Variants in TENM3 observed in about 807,000 individuals in gnomAD.
TENM3 encodes teneurin-3.
In TENM3, 63 loss-of-function variants were observed where a neutral mutation model predicts 255.1. The ratio of observed to expected loss-of-function variants is 0.25; its 90% CI spans 0.20 to 0.30. The LOEUF is 0.30. Among genes scored for constraint, TENM3 ranks in the 10% least tolerant of loss-of-function variants. The probability of loss-of-function intolerance (pLI) is 1.00; values close to 1 mark genes in which losing one functional copy is unlikely to be tolerated. For missense variants in TENM3, 2,929 were observed against 3,461.1 expected, an observed-to-expected ratio of 0.85 and a Z score of 3.86; for synonymous variants, 1,306 against 1,322.3, an observed-to-expected ratio of 0.99 and a Z score of 0.27.
At chr4:182,625,173 C>G (rs571033594) in intron 4 of TENM3, among the ~76,000 whole-genome samples, 2 of 152,188 alleles carry the variant, frequency 1.3e-5, no homozygotes, top group African/African-American at 4.8e-5. Context: ...TCGGTGATAC[C>G]AGGAGGGGTC....
the TENM3 span, among the ~76,000 whole-genome samples, chr4:181,452,713 C>A: frequency 6.6e-6 from 1 of 152,106 alleles, no homozygotes; most frequent in African/African-American, 2.4e-5. Flanking sequence ...TTTAAAATTC[C>A]TGAGGAAATG....
chr4:182,729,817 G>T (rs1279852023), intron 14 of TENM3, among the ~76,000 whole-genome samples: 1 of 152,084 alleles, frequency 6.6e-6, no homozygotes, highest in African/African-American at 2.4e-5. Context: ...ATACTTCTTG[G>T]TCCCTGAAGA....
chr4:181,884,809 G>A, the TENM3 span, among the ~76,000 whole-genome samples: 1 of 151,848 alleles, frequency 6.6e-6, no homozygotes, highest in Non-Finnish European at 1.5e-5. Flanking sequence ...TCAAATCATT[G>A]TCTCAGTTAC....
the TENM3 span, among the ~76,000 whole-genome samples, chr4:181,911,897 G>A: frequency 9.9e-5 from 15 of 152,230 alleles, no homozygotes; most frequent in African/African-American, 3.1e-4. Flanking sequence ...AAATATCAGT[G>A]GCTTAGAAAT....
intron 1 of TENM3, among the ~76,000 whole-genome samples, chr4:182,261,325 A>G (rs943047130): frequency 5.3e-5 from 8 of 152,286 alleles, no homozygotes; most frequent in African/African-American, 1.7e-4. Flanking sequence ...AAAACCTTCC[A>G]GAGCTCCAGC....
the TENM3 span, among the ~76,000 whole-genome samples, chr4:182,008,586 A>G: frequency 2.0e-5 from 3 of 151,482 alleles, no homozygotes; most frequent in African/African-American, 2.4e-5. Context: ...AGCTCCATCA[A>G]GTTGTTTATG....
rs558897353 is a variant in TENM3, at chr4:182,784,010, C to T, written c.5305-5083C>T. On this transcript the variant is annotated intron_variant, in intron 24 of 27. Transcript: ENST00000511685. Reference sequence around the variant, plus strand: ...TTTGCCTTTGGTTTGAATGTCCTCCCGTAGCTCAGAGTAATTTGATCGTCT... The same window carrying T: ...TTTGCCTTTGGTTTGAATGTCCTCCTGTAGCTCAGAGTAATTTGATCGTCT... 8.4e-4 allele frequency among the ~76,000 whole-genome samples: 128 copies of T among 152,300 alleles called. No homozygotes were observed. In the South Asian group the frequency reaches 0.022, roughly 26 times the overall value.
chr4:181,616,817 G>T, the TENM3 span, among the ~76,000 whole-genome samples: 1 of 152,232 alleles, frequency 6.6e-6, no homozygotes, highest in Admixed American at 6.5e-5. Context: ...TTTGTTCTAC[G>T]TGTGTGCTCA....
chr4:181,465,774 C>A, the TENM3 span, among the ~76,000 whole-genome samples: 1 of 152,064 alleles, frequency 6.6e-6, no homozygotes, highest in African/African-American at 2.4e-5. Flanking sequence ...ACTTTAGTAG[C>A]GCTTACAGTG....
the TENM3 span, among the ~76,000 whole-genome samples, chr4:181,859,656 G>A: frequency 6.6e-6 from 1 of 152,156 alleles, no homozygotes; most frequent in African/African-American, 2.4e-5. Context: ...CTACTCAGTG[G>A]TACCAATGTA....
At chr4:182,152,725 G>A (rs1750427671) in intron 1 of TENM3, among the ~76,000 whole-genome samples, 1 of 146,546 alleles carries the variant, frequency 6.8e-6, no homozygotes. Context: ...TAAAGATAAA[G>A]TACTTTAAAA....
chr4:182,407,412 A>G (rs1018122663), intron 3 of TENM3, among the ~76,000 whole-genome samples: 6 of 152,224 alleles, frequency 3.9e-5, no homozygotes, highest in African/African-American at 1.2e-4. Context: ...AACATATTAT[A>G]GGGAAGTGTG....
intron 3 of TENM3, among the ~76,000 whole-genome samples, chr4:182,433,630 A>G (rs1427986861): frequency 6.6e-6 from 1 of 152,206 alleles, no homozygotes; most frequent in East Asian, 1.9e-4. Context: ...GTCTCCTGAA[A>G]TAATAGGCTG....
chr4:182,349,305 A>G (rs1261753720), intron 3 of TENM3, among the ~76,000 whole-genome samples: 1 of 152,216 alleles, frequency 6.6e-6, no homozygotes, highest in Non-Finnish European at 1.5e-5. Flanking sequence ...AATAAAATAG[A>G]TACGTTGTCT....
the TENM3 span, among the ~76,000 whole-genome samples, chr4:182,051,249 A>C: frequency 3.7e-3 from 558 of 151,910 alleles, 4 homozygotes; most frequent in Non-Finnish European, 2.9e-3. Context: ...AGGCTAAGGC[A>C]GGAGAATCGC....
the TENM3 span, among the ~76,000 whole-genome samples, chr4:181,777,876 T>C: frequency 1.3e-5 from 2 of 152,144 alleles, no homozygotes; most frequent in Admixed American, 1.3e-4. Flanking sequence ...AAAGATTAGT[T>C]GTAGCTGAGA....
At chr4:182,185,353 GT>G (rs1753087734) in intron 1 of TENM3, among the ~76,000 whole-genome samples, 2 of 152,228 alleles carry the variant, frequency 1.3e-5, no homozygotes, top group South Asian at 4.1e-4. Context: ...ACTTATCACT[GT>G]TTGAACAGAA....
In TENM3 at chr4:182,731,021, A is replaced by T. The variant is rs562164411; in HGVS notation, c.2849A>T (p.Asp950Val). 1 of 1,613,940 alleles carries T rather than the reference A, an allele frequency of 6.2e-7. No homozygotes were observed. The highest frequency in any genetic ancestry group is 1.3e-5 in the African/African-American group (1 of 75,026). ...CTAGTCATGAAGAAAGAAGAGAATG[A>T]CATTCCCAGCTGTGATCTGAGTGGA... ...DTLVMKKEEN[D>V]IPSCDLSGFV... The change falls in exon 16 of 28, where the codon GAC (aspartate) becomes GTC (valine). Residue 950 changes from aspartate to valine, a missense_variant. Asp to Val is a radical substitution (Grantham distance 152). Around this residue, in one of 6 missense-constraint regions of TENM3, gnomAD observed 1,608 missense variants for 1,884.4 expected, o/e 0.85. Transcript: ENST00000511685.
the TENM3 span, among the ~76,000 whole-genome samples, chr4:182,064,434 C>G: frequency 6.6e-6 from 1 of 151,856 alleles, no homozygotes; most frequent in African/African-American, 2.4e-5. Context: ...AAAAATTAGC[C>G]GGGCGTGGTG....
Sources: allele counts gnomAD v4.1 joint callset (sites outside exome capture counted in the v4.1 genomes callset), GRCh38; gene constraint gnomAD v4.1.1; regional missense constraint gnomAD v4.1.1; transcripts MANE v1.5; gene names NCBI Gene and HGNC (gene_info 2026-07-23, HGNC 2026-07-21).